ANKRD11: variants seen among roughly 807,000 people sequenced by gnomAD.
The protein encoded by ANKRD11 is ankyrin repeat domain-containing protein 11.
A neutral mutation model predicts 195.7 loss-of-function variants in ANKRD11; 17 were observed. The observed-to-expected ratio is 0.09, with a 90% CI of 0.06 to 0.13. ANKRD11 has a LOEUF of 0.13. Ranked by LOEUF, ANKRD11 falls within the 10% of genes least tolerant of loss-of-function variation. The pLI, the probability that ANKRD11 is intolerant of heterozygous loss-of-function variation, is 1.00. For missense variants in ANKRD11, 3,735 were observed against 3,566.1 expected (o/e 1.05, Z -1.21); for synonymous variants, 1,953 against 1,528.1 (o/e 1.28, Z -6.49).
Position 89,428,176 on chromosome 16 carries a change from A to C in ANKRD11, c.-144-9808T>G, listed in dbSNP as rs753485191. 5.9e-4 allele frequency among the ~76,000 whole-genome samples: 89 copies of C among 151,976 alleles called. 1 individual carries two copies. Among genetic ancestry groups the C allele is most frequent in the Non-Finnish European group, 2.5e-4 (17 of 67,994 alleles). On this transcript the variant is annotated intron_variant, in intron 1 of 12. Transcript: ENST00000301030. ...TGAGCCAAGATCGTGCCACTGCACTACAGCCTAGGCAGCAGAGCAAGACTC... is the reference window on the plus strand; with the variant it reads ...TGAGCCAAGATCGTGCCACTGCACTCCAGCCTAGGCAGCAGAGCAAGACTC...
intron 2 of ANKRD11, among the ~76,000 whole-genome samples, chr16:89,341,946 C>CT (rs2038693088): frequency 6.6e-6 from 1 of 150,890 alleles, no homozygotes; most frequent in African/African-American, 2.5e-5. Flanking sequence ...ACCTCCTCCA[C>CT]GAACAGCAGC....
At chr16:89,398,153 C>T (rs1843444498) in intron 2 of ANKRD11, among the ~76,000 whole-genome samples, 2 of 151,404 alleles carry the variant, frequency 1.3e-5, no homozygotes, top group Non-Finnish European at 2.9e-5. Context: ...CTGAAGACTA[C>T]CTGTGACCTC....
intron 1 of ANKRD11, among the ~76,000 whole-genome samples, chr16:89,447,105 C>A (rs898679784): frequency 1.3e-5 from 2 of 152,114 alleles, no homozygotes; most frequent in African/African-American, 4.8e-5. Context: ...CTGCATGACC[C>A]CCACACAAAG....
At chr16:89,290,916 G>A (rs1214223665) in intron 5 of ANKRD11, 88 bp from the exon 6 acceptor site, 2 of 1,608,690 alleles carry the variant, frequency 1.2e-6, no homozygotes, top group East Asian at 4.5e-5. Context: ...CCATCACGAG[G>A]TCCCTTTGCA....
chr16:89,426,529 T>TCACACACACACACA lies in ANKRD11; in HGVS notation c.-144-8175_-144-8162dup, dbSNP rs55664494. 6.8e-3 allele frequency among the ~76,000 whole-genome samples: 968 copies of TCACACACACACACA among 142,332 alleles called. 12 individuals are homozygous for TCACACACACACACA. Among genetic ancestry groups the TCACACACACACACA allele is most frequent in the East Asian group, 0.051 (237 of 4,674 alleles). The allele number at this position is 142,332 out of a possible 152,430, so 93.4% of individuals were successfully genotyped here. A position where few individuals can be genotyped will look rare whatever the true frequency, so the allele number is the denominator to read the frequency against. ...AGAGGCTCTGATGGTCACTTAAACATCACACACACACACACACACACACAC... is the reference window on the plus strand; with the variant it reads ...AGAGGCTCTGATGGTCACTTAAACATCACACACACACACACACACACACACACACACACACACAC... On this transcript the variant is annotated intron_variant, in intron 1 of 12. Transcript: ENST00000301030.
chr16:89,291,127 C>A lies in ANKRD11; in HGVS notation c.283G>T (p.Gly95Trp), dbSNP rs766479534. Residue 95 changes from glycine (G) to tryptophan (W), a missense_variant, in exon 5 of 13, where the codon GGG becomes TGG. By Grantham distance (184) the Gly-to-Trp change is radical (BLOSUM62 -2). Coordinates refer to ENST00000301030, the MANE Select transcript of ANKRD11 (RefSeq NM_013275.6). The surrounding 1 kb of genome is among the most constrained non-coding windows in gnomAD (Gnocchi z 5.3). ...IKKEPVTRKAGLLFGMGLSGI... is the reference protein window; with the variant it reads ...IKKEPVTRKAWLLFGMGLSGI... The stretch of plus-strand genomic sequence containing the variant: ...GACAGCCCCATGCCAAACAGCAGCC[C>A]GGCCTTCCGGGTGACAGGCTCCTTC... The A allele has an allele frequency of 6.2e-7, 1 of 1,613,936 alleles. No individual in the cohort carries two copies. Among genetic ancestry groups the A allele is most frequent in the Admixed American group, 1.7e-5 (1 of 60,014 alleles).
intron 1 of ANKRD11, among the ~76,000 whole-genome samples, chr16:89,423,555 G>A (rs1243129775): frequency 6.6e-6 from 1 of 152,226 alleles, no homozygotes; most frequent in Non-Finnish European, 1.5e-5. Flanking sequence ...GAGATGTGTG[G>A]TTAGAGTTAA....
intron 1 of ANKRD11, chr16:89,422,137 T>C (rs1446970535): frequency 6.6e-6 from 1 of 151,964 alleles, no homozygotes; most frequent in Admixed American, 6.6e-5. Context: ...TTTAATACAA[T>C]CAACGGGTAA....
At chr16:89,466,802 C>A (rs1325784719) in intron 1 of ANKRD11, among the ~76,000 whole-genome samples, 2 of 152,176 alleles carry the variant, frequency 1.3e-5, no homozygotes, top group African/African-American at 4.8e-5. Context: ...TGCAAAGAGC[C>A]AAGTGTGGGC....
intron 1 of ANKRD11, among the ~76,000 whole-genome samples, chr16:89,420,705 T>G (rs1451500039): frequency 6.6e-6 from 1 of 152,118 alleles, no homozygotes. Flanking sequence ...TCTAAAATAT[T>G]TGGAATAAAC....
At chr16:89,467,808 G>GT (rs1488785066) in intron 1 of ANKRD11, among the ~76,000 whole-genome samples, 2 of 152,030 alleles carry the variant, frequency 1.3e-5, no homozygotes, top group Non-Finnish European at 2.9e-5. Flanking sequence ...GTTTTGTTTT[G>GT]TTTGTTTGTT....
chr16:89,345,105 T>C (rs568019244), intron 2 of ANKRD11, among the ~76,000 whole-genome samples: 52 of 151,860 alleles, frequency 3.4e-4, no homozygotes, highest in African/African-American at 1.2e-3. Flanking sequence ...CTTCACGGCC[T>C]GAAAGGGCAC....
intron 2 of ANKRD11, among the ~76,000 whole-genome samples, chr16:89,364,067 A>AACACAC (rs58145428): frequency 0.014 from 2,157 of 150,528 alleles, 28 homozygotes; most frequent in Non-Finnish European, 0.022. Flanking sequence ...GCTGATTTAA[A>AACACAC]ACACACACAC....
In ANKRD11 at chr16:89,395,416, G is replaced by T. The variant is rs988929326; in HGVS notation, c.-60+22868C>A. 4.6e-5 allele frequency among the ~76,000 whole-genome samples: 7 copies of T among 152,372 alleles called. No homozygotes were observed. The South Asian group carries it at 6.2e-4, about 14-fold the overall frequency. ...GGTCCGCTTGCTACTGGCATGCAAA[G>T]ATCAAAGAGAGGAGACAGCGCTGGG... On this transcript the variant is annotated intron_variant, in intron 2 of 12. Coordinates refer to ENST00000301030, the MANE Select transcript of ANKRD11 (RefSeq NM_013275.6).
intron 7 of ANKRD11, chr16:89,287,959 G>C (rs1389846324): frequency 2.2e-6 from 1 of 456,246 alleles, no homozygotes; most frequent in Non-Finnish European, 3.9e-6. Flanking sequence ...AGTGAGACCC[G>C]CCGCATCTCC....
In ANKRD11 at chr16:89,281,381, T is replaced by C. The variant is rs766737603; in HGVS notation, c.5161A>G (p.Thr1721Ala). Residue 1721 changes from threonine to alanine, a missense_variant, in exon 9 of 13, where the codon ACG becomes GCG. Thr to Ala is a moderately conservative substitution (Grantham distance 58, BLOSUM62 0). Transcript: ENST00000301030. The surrounding 1 kb of genome is among the most constrained non-coding windows in gnomAD (Gnocchi z 5.5). Reference protein sequence around the residue: ...SCPSYEEVMHTPRTPSCSADD... With the variant: ...SCPSYEEVMHAPRTPSCSADD... ...GCGCTGCAGGACGGGGTCCTGGGCGTGTGCATCACCTCCTCGTAGCTGGGG... is the reference window on the plus strand; with the variant it reads ...GCGCTGCAGGACGGGGTCCTGGGCGCGTGCATCACCTCCTCGTAGCTGGGG... The C allele has an allele frequency of 1.9e-5, 30 of 1,609,502 alleles. No homozygotes were observed. The highest frequency in any genetic ancestry group is 2.4e-5 in the Non-Finnish European group (28 of 1,176,506).
intron 2 of ANKRD11, among the ~76,000 whole-genome samples, chr16:89,346,271 GAATC>G (rs1248231842): frequency 9.5e-6 from 1 of 105,738 alleles, no homozygotes; most frequent in African/African-American, 3.5e-5. Context: ...AAAAAAAAAA[GAATC>G]AACACAACAG....
intron 1 of ANKRD11, among the ~76,000 whole-genome samples, chr16:89,479,003 A>C (rs2057349681): frequency 1.3e-5 from 2 of 151,982 alleles, no homozygotes; most frequent in Admixed American, 1.3e-4. Context: ...GGGGCTAGAG[A>C]CCAGTGGCAT....
At chr16:89,489,199 A>T (rs1388158099) in intron 1 of ANKRD11, 4 of 147,470 alleles carry the variant, frequency 2.7e-5, no homozygotes, top group African/African-American at 9.9e-5. Context: ...TCAATGTGGC[A>T]GGGCCAACCC....
Sources: allele counts gnomAD v4.1 joint callset (sites outside exome capture counted in the v4.1 genomes callset), GRCh38; gene constraint gnomAD v4.1.1; non-coding constraint Gnocchi (gnomAD v3.1); transcripts MANE v1.5; gene names NCBI Gene and HGNC (gene_info 2026-07-23, HGNC 2026-07-21).